SOX6: variants seen among roughly 807,000 people sequenced by gnomAD.
SOX6 encodes SRY-box transcription factor 6, also known as transcription factor SOX-6.
SOX6 carries 11 observed loss-of-function variants against 97.8 expected under a neutral mutation model. The ratio of observed to expected loss-of-function variants is 0.11; its 90% CI spans 0.07 to 0.19. SOX6 has a LOEUF of 0.19. Ranked by LOEUF, SOX6 falls within the 10% of genes least tolerant of loss-of-function variation. The probability of loss-of-function intolerance (pLI) is 1.00; values close to 1 mark genes in which losing one functional copy is unlikely to be tolerated. For synonymous variants in SOX6, 360 were observed against 371.4 expected (o/e 0.97, Z 0.35); for missense variants, 810 against 1,039.5 (o/e 0.78, Z 3.04).
chr11:16,398,339 T>G (rs1858425232), intron 1 of SOX6, among the ~76,000 whole-genome samples: 1 of 151,468 alleles, frequency 6.6e-6, no homozygotes, highest in Non-Finnish European at 1.5e-5. Flanking sequence ...TGTAGCTGAG[T>G]GCAGTAGTCC....
intron 4 of SOX6, among the ~76,000 whole-genome samples, chr11:16,579,663 G>A (rs1021497210): frequency 6.6e-6 from 1 of 151,880 alleles, no homozygotes; most frequent in East Asian, 1.9e-4. Context: ...GTCTTCCACC[G>A]AGTAAGTATA....
intron 12 of SOX6, among the ~76,000 whole-genome samples, chr11:16,036,078 CTTTT>C (rs767508048): frequency 1.5e-5 from 2 of 133,794 alleles, no homozygotes; most frequent in Non-Finnish European, 1.6e-5. Context: ...TGATTCAACT[CTTTT>C]TTTTTTTTTT....
chr11:16,301,805 A>C (rs1006586564), intron 3 of SOX6, among the ~76,000 whole-genome samples: 3 of 152,172 alleles, frequency 2.0e-5, no homozygotes, highest in African/African-American at 7.2e-5. Flanking sequence ...AATTCAATCC[A>C]TAAAACGACA....
At chr11:16,092,579 G>A (rs1356274665) in intron 9 of SOX6, among the ~76,000 whole-genome samples, 3 of 151,832 alleles carry the variant, frequency 2.0e-5, no homozygotes, top group Admixed American at 2.0e-4. Flanking sequence ...TTACCAATAT[G>A]CTGACACATG....
intron 4 of SOX6, among the ~76,000 whole-genome samples, chr11:16,208,768 A>G (rs1852139995): frequency 6.6e-6 from 1 of 152,230 alleles, no homozygotes; most frequent in Admixed American, 6.5e-5. Flanking sequence ...ACTCAGAGAT[A>G]TAACATCTTC....
intron 4 of SOX6, chr11:16,484,046 G>A (rs972918888): frequency 2.7e-5 from 21 of 785,946 alleles, no homozygotes; most frequent in East Asian, 1.7e-4. Context: ...CGGGAGAGCC[G>A]AGGGGGCTGT....
chr11:15,967,449 T>C lies in SOX6; in HGVS notation c.*5360A>G, dbSNP rs1320842998. ...TTCACAATATACATCACAAACAAATTACAACGTCGGGGGAAATAAAAGAGT... is the reference window on the plus strand; with the variant it reads ...TTCACAATATACATCACAAACAAATCACAACGTCGGGGGAAATAAAAGAGT... On this transcript the variant is annotated 3_prime_UTR_variant, in exon 16 of 16. Transcript: ENST00000683767. 2.0e-5 allele frequency: 3 copies of C among 152,166 alleles called. No homozygotes were observed. Among genetic ancestry groups the C allele is most frequent in the Admixed American group, 6.5e-5 (1 of 15,280 alleles). The allele number at this position is 152,166 out of a possible 1,614,324, so 9.4% of individuals were successfully genotyped here. A position where few individuals can be genotyped will look rare whatever the true frequency, so the allele number is the denominator to read the frequency against.
chr11:16,372,813 G>A (rs1372255069), intron 1 of SOX6, among the ~76,000 whole-genome samples: 1 of 152,010 alleles, frequency 6.6e-6, no homozygotes, highest in East Asian at 1.9e-4. Flanking sequence ...GGAACAACTG[G>A]AACTGAAAGA....
At position 16,420,547 on chromosome 11, in the gene SOX6, G is replaced by A. The variant is rs79320026; in HGVS notation, c.-5+55768C>T. On this transcript the variant is annotated intron_variant, in intron 1 of 15. Transcript: ENST00000396356. Reference sequence around the variant, plus strand: ...TGGGCAGAGAACTTTCTGATCTAACGTTAACCTCCTCTAGGGAAAGACTAC... The same window carrying A: ...TGGGCAGAGAACTTTCTGATCTAACATTAACCTCCTCTAGGGAAAGACTAC... Among the ~76,000 whole-genome samples, 212 of 152,248 alleles carry A rather than the reference G, an allele frequency of 1.4e-3. 4 individuals are homozygous for A. In the East Asian group the frequency reaches 0.038, roughly 27 times the overall value.
At chr11:16,404,247 A>G (rs1355801163) in intron 1 of SOX6, among the ~76,000 whole-genome samples, 3 of 151,894 alleles carry the variant, frequency 2.0e-5, no homozygotes, top group Non-Finnish European at 4.4e-5. Context: ...GCTTCATTCA[A>G]ACTGTGCTTT....
At chr11:16,267,438 A>T (rs1318933910) in intron 3 of SOX6, among the ~76,000 whole-genome samples, 2 of 151,628 alleles carry the variant, frequency 1.3e-5, no homozygotes, top group Admixed American at 6.6e-5. Flanking sequence ...AAATACATTT[A>T]CAAAGCTTGA....
chr11:16,628,084 G>C (rs1848649015), intron 3 of SOX6, among the ~76,000 whole-genome samples: 1 of 152,082 alleles, frequency 6.6e-6, no homozygotes, highest in South Asian at 2.1e-4. Context: ...TGTCAATTTT[G>C]TCAAAGATCA....
chr11:16,594,942 C>T (rs1390228835), intron 4 of SOX6, among the ~76,000 whole-genome samples: 1 of 152,044 alleles, frequency 6.6e-6, no homozygotes, highest in Non-Finnish European at 1.5e-5. Flanking sequence ...CCGCCCCCCT[C>T]GGCCTCCCCG....
intron 3 of SOX6, among the ~76,000 whole-genome samples, chr11:16,276,757 C>T (rs1040001417): frequency 2.0e-5 from 3 of 152,138 alleles, no homozygotes; most frequent in African/African-American, 7.2e-5. Context: ...AAATTAAACA[C>T]CTATTTCTTT....
intron 1 of SOX6, among the ~76,000 whole-genome samples, chr11:16,404,370 C>T (rs370304313): frequency 4.6e-5 from 7 of 151,918 alleles, no homozygotes; most frequent in South Asian, 4.1e-4. Context: ...GCCCTCACCA[C>T]GGGAATTCTG....
intron 4 of SOX6, among the ~76,000 whole-genome samples, chr11:16,609,951 G>A (rs1318555593): frequency 1.3e-5 from 2 of 152,208 alleles, no homozygotes; most frequent in Admixed American, 6.5e-5. Context: ...AGAGCCTGGA[G>A]GCCAATAAGA....
chr11:16,296,329 C>T (rs1358237714), intron 3 of SOX6, among the ~76,000 whole-genome samples: 3 of 152,030 alleles, frequency 2.0e-5, no homozygotes, highest in Non-Finnish European at 4.4e-5. Context: ...ACCCCAGTTT[C>T]CCTAGATAAT....
At chr11:16,441,164 C>T (rs973161867) in intron 1 of SOX6, among the ~76,000 whole-genome samples, 2 of 152,228 alleles carry the variant, frequency 1.3e-5, no homozygotes, top group African/African-American at 2.4e-5. Flanking sequence ...CACCTCTTTT[C>T]CTTCCACCTC....
intron 3 of SOX6, among the ~76,000 whole-genome samples, chr11:16,698,880 C>A (rs1564871793): frequency 6.6e-6 from 1 of 152,076 alleles, no homozygotes; most frequent in Non-Finnish European, 1.5e-5. Flanking sequence ...ATAATAGTAA[C>A]ATCAAAAATC....
Sources: gnomAD v4.1 joint callset for allele counts (sites outside exome capture counted in the v4.1 genomes callset) on GRCh38, gnomAD v4.1.1 for gene constraint, MANE v1.5 for transcripts, NCBI Gene and HGNC (gene_info 2026-07-23, HGNC 2026-07-21) for gene names.